The following PRPSAP2 variants were observed in gnomAD, a reference collection of about 807,000 sequenced individuals.
PRPSAP2 encodes the protein phosphoribosyl pyrophosphate synthase-associated protein 2.
PRPSAP2 carries 24 observed loss-of-function variants against 40.6 expected under a neutral mutation model. The observed-to-expected ratio is 0.59, with a 90% CI of 0.43 to 0.83. The LOEUF (loss-of-function observed/expected upper bound fraction) is 0.83, where lower values mean the gene tolerates loss of function less well. Among genes scored for constraint, PRPSAP2 ranks in the 40% least tolerant of loss-of-function variants. The pLI, the probability that PRPSAP2 is intolerant of heterozygous loss-of-function variation, is 0.00. For missense variants in PRPSAP2, 292 were observed against 465.6 expected (o/e 0.63, Z 3.43); for synonymous variants, 149 against 164.7 (o/e 0.90, Z 0.73).
intron 5 of PRPSAP2, among the ~76,000 whole-genome samples, chr17:18,874,522 C>T (rs1304242010): frequency 6.6e-6 from 1 of 152,210 alleles, no homozygotes; most frequent in Admixed American, 6.5e-5. Context: ...ACAAAACCCC[C>T]ATCTCTCCTG....
In PRPSAP2 at chr17:18,930,527, T is replaced by G; in HGVS notation, c.952-13T>G. ...CTTTCTGATGCTGTGGTTTTTTTTC[T>G]TTTGCTTCACAGGTGGTGGTCACCA... On this transcript the variant is annotated splice_polypyrimidine_tract_variant and intron_variant, in intron 11 of 11. Transcript: ENST00000268835. 6.2e-7 allele frequency: 1 copy of G among 1,604,834 alleles called. No individual in the cohort carries two copies. Among genetic ancestry groups the G allele is most frequent in the Non-Finnish European group, 8.5e-7 (1 of 1,175,588 alleles).
At chr17:18,889,709 C>G (rs2039414118) in intron 7 of PRPSAP2, 113 bp from the exon 8 acceptor site, 2 of 756,676 alleles carry the variant, frequency 2.6e-6, no homozygotes, top group Non-Finnish European at 4.1e-6. Flanking sequence ...GAGAATTTTA[C>G]TTTGAACTTT....
chr17:18,895,769 G>A (rs1312677935), intron 8 of PRPSAP2, among the ~76,000 whole-genome samples: 3 of 152,020 alleles, frequency 2.0e-5, no homozygotes. Flanking sequence ...GGGATTACAG[G>A]TGTGTGCCAC....
intron 8 of PRPSAP2, among the ~76,000 whole-genome samples, chr17:18,910,371 G>C (rs887198737): frequency 2.6e-5 from 4 of 152,090 alleles, no homozygotes; most frequent in Non-Finnish European, 2.9e-5. Context: ...GCAGTGAACT[G>C]AGAAATCCTG....
intron 6 of PRPSAP2, 142 bp downstream of exon 6, chr17:18,878,012 C>T: frequency 1.1e-6 from 1 of 889,378 alleles, no homozygotes; most frequent in Non-Finnish European, 1.7e-6. Context: ...ACTTGAACTC[C>T]TACAGTCAAG....
chr17:18,906,715 T>TGTTC (rs2040612939), intron 8 of PRPSAP2, among the ~76,000 whole-genome samples: 3 of 151,930 alleles, frequency 2.0e-5, no homozygotes, highest in Admixed American at 6.6e-5. Flanking sequence ...TTTGTTTGTT[T>TGTTC]GTTCGTTTTT....
At chr17:18,895,145 T>C (rs576996580) in intron 8 of PRPSAP2, among the ~76,000 whole-genome samples, 1 of 151,158 alleles carries the variant, frequency 6.6e-6, no homozygotes, top group South Asian at 2.1e-4. Context: ...AGTGCACTGG[T>C]GCCATCACAG....
At chr17:18,894,479 C>CGTTTTTTTTTTTT (rs2039786140) in intron 8 of PRPSAP2, among the ~76,000 whole-genome samples, 1 of 120,580 alleles carries the variant, frequency 8.3e-6, no homozygotes, top group Non-Finnish European at 1.7e-5. Context: ...TTTCAATAGT[C>CGTTTTTTTTTTTT]TTTTTTTTTT....
chr17:18,911,065 G>A lies in PRPSAP2; in HGVS notation c.585-38G>A. 6.4e-7 allele frequency: 1 copy of A among 1,571,276 alleles called. No individual in the cohort carries two copies. Among genetic ancestry groups the A allele is most frequent in the Non-Finnish European group, 8.7e-7 (1 of 1,153,578 alleles). On this transcript the variant is annotated intron_variant, in intron 8 of 11. Coordinates refer to ENST00000268835, the MANE Select transcript of PRPSAP2 (RefSeq NM_002767.4). The surrounding 1 kb of genome is among the most constrained non-coding windows in gnomAD (Gnocchi z 4.5). The stretch of plus-strand genomic sequence containing the variant: ...CTAGGCATTAGCAGAACCAAGGGCT[G>A]CATGAGTTTTGAGCTTGTGTCTGGT...
chr17:18,863,582 G>A (rs1303655601), intron 1 of PRPSAP2, among the ~76,000 whole-genome samples: 4 of 151,712 alleles, frequency 2.6e-5, no homozygotes, highest in Admixed American at 2.6e-4. Context: ...GCCCAGGCTG[G>A]AGTGCAGTGG....
intron 8 of PRPSAP2, among the ~76,000 whole-genome samples, chr17:18,909,447 T>C (rs1216546071): frequency 6.6e-6 from 1 of 151,918 alleles, no homozygotes; most frequent in Non-Finnish European, 1.5e-5. Context: ...GGTTTCACCG[T>C]GTTAGCCAGG....
chr17:18,902,746 G>A (rs776478549), intron 8 of PRPSAP2, among the ~76,000 whole-genome samples: 5 of 151,836 alleles, frequency 3.3e-5, no homozygotes, highest in Non-Finnish European at 7.4e-5. Flanking sequence ...GCGCACGCCT[G>A]TAATCCCAGC....
chr17:18,923,046 G>T (rs992540663), intron 9 of PRPSAP2, among the ~76,000 whole-genome samples: 30 of 150,894 alleles, frequency 2.0e-4, no homozygotes, highest in Non-Finnish European at 3.8e-4. Flanking sequence ...CTGCCATTCT[G>T]TAGGGGTTTT....
chr17:18,921,589 T>C (rs2041692314), intron 9 of PRPSAP2, among the ~76,000 whole-genome samples: 2 of 152,184 alleles, frequency 1.3e-5, no homozygotes, highest in Admixed American at 6.5e-5. Flanking sequence ...GAGTGGATAT[T>C]GTCTCCTAGA....
chr17:18,865,251 G>A (rs1452292574), intron 1 of PRPSAP2, among the ~76,000 whole-genome samples: 1 of 152,114 alleles, frequency 6.6e-6, no homozygotes, highest in Non-Finnish European at 1.5e-5. Flanking sequence ...GTCCTTCAAG[G>A]TGATTATCTA....
At chr17:18,878,421 G>A (rs28522666) in intron 6 of PRPSAP2, among the ~76,000 whole-genome samples, 2,282 of 152,258 alleles carry the variant, frequency 0.015, 64 homozygotes, top group African/African-American at 0.053. Flanking sequence ...ATTATTCTGT[G>A]TCAGGCATTT....
Position 18,911,129 on chromosome 17 carries a change from G to A in PRPSAP2, c.611G>A (p.Arg204His), listed in dbSNP as rs2151953099. The change falls in exon 9 of 12, where the codon CGC (arginine) becomes CAC (histidine). Residue 204 changes from arginine (R) to histidine (H), a missense_variant. Physicochemically the swap from Arg to His is conservative, Grantham distance 29. Around this residue, in one of 2 missense-constraint regions of PRPSAP2, gnomAD observed 241 missense variants for 425.7 expected, o/e 0.57. Coordinates refer to ENST00000268835, the MANE Select transcript of PRPSAP2 (RefSeq NM_002767.4). This position sits in a 1 kb window ranked among gnomAD's most constrained non-coding sequence, Gnocchi z 4.5. ...KRAQSFAERLRLGIAVIHGEA... is the reference protein window; with the variant it reads ...KRAQSFAERLHLGIAVIHGEA... The stretch of plus-strand genomic sequence containing the variant: ...GCACAGTCTTTTGCTGAGCGCCTGC[G>A]CCTGGGAATTGCAGTGATTCATGGA... 1.2e-6 allele frequency: 2 copies of A among 1,612,700 alleles called. No homozygotes were observed. The highest frequency in any genetic ancestry group is 1.7e-6 in the Non-Finnish European group (2 of 1,179,178).
At chr17:18,869,936 C>G (rs952903254) in intron 4 of PRPSAP2, among the ~76,000 whole-genome samples, 1 of 151,340 alleles carries the variant, frequency 6.6e-6, no homozygotes, top group Non-Finnish European at 1.5e-5. Flanking sequence ...CAACATCCGC[C>G]TCTCAGGTTC....
chr17:18,896,370 G>A (rs773667048), intron 8 of PRPSAP2, among the ~76,000 whole-genome samples: 2 of 152,068 alleles, frequency 1.3e-5, no homozygotes, highest in African/African-American at 2.4e-5. Context: ...TCTCTTCAAG[G>A]TCTGTGTGTG....
Sources: allele counts gnomAD v4.1 joint callset (sites outside exome capture counted in the v4.1 genomes callset), GRCh38; gene constraint gnomAD v4.1.1; regional missense constraint gnomAD v4.1.1; non-coding constraint Gnocchi (gnomAD v3.1); transcripts MANE v1.5; gene names NCBI Gene and HGNC (gene_info 2026-07-23, HGNC 2026-07-21).